Variants in CRTC3 observed in about 807,000 individuals in gnomAD.
CRTC3 encodes CREB regulated transcription coactivator 3.
CRTC3 carries 26 observed loss-of-function variants against 74.5 expected under a neutral mutation model. That is an observed-to-expected ratio of 0.35 (90% CI 0.26 to 0.48). CRTC3 has a LOEUF of 0.48. Among genes scored for constraint, CRTC3 ranks in the 20% least tolerant of loss-of-function variants. CRTC3 has a pLI of 0.99. For missense variants in CRTC3, 760 were observed against 787.3 expected (o/e 0.97, Z 0.41); for synonymous variants, 377 against 325.8 (o/e 1.16, Z -1.69).
intron 2 of CRTC3, among the ~76,000 whole-genome samples, chr15:90,545,075 C>G (rs1281711682): frequency 2.0e-5 from 3 of 152,154 alleles, no homozygotes; most frequent in Admixed American, 2.0e-4. Context: ...TTCTAAGTGC[C>G]TCATATGAGG....
At chr15:90,641,282 T>A in intron 14 of CRTC3, 83 bp downstream of exon 14, 2 of 940,472 alleles carry the variant, frequency 2.1e-6, no homozygotes, top group South Asian at 1.4e-5. Context: ...TTAAACAACA[T>A]AATATTATAT....
intron 9 of CRTC3, 65 bp downstream of exon 9, chr15:90,619,855 C>A: frequency 7.3e-7 from 1 of 1,364,882 alleles, no homozygotes; most frequent in Non-Finnish European, 1.0e-6. Flanking sequence ...AAAAGTCTCG[C>A]TGCTTTGTTA....
At chr15:90,579,782 C>T (rs1222308946) in intron 2 of CRTC3, among the ~76,000 whole-genome samples, 1 of 151,856 alleles carries the variant, frequency 6.6e-6, no homozygotes, top group East Asian at 1.9e-4. Context: ...GCTGGGAGCA[C>T]AGGCACCCGC....
chr15:90,600,631 A>G (rs908036255), intron 3 of CRTC3: 8 of 152,178 alleles, frequency 5.3e-5, no homozygotes, highest in African/African-American at 1.9e-4. Context: ...CTTCAGCTAT[A>G]AAATGGGGAA....
intron 2 of CRTC3, among the ~76,000 whole-genome samples, chr15:90,580,862 G>A (rs1442624249): frequency 6.6e-6 from 1 of 151,958 alleles, no homozygotes. Flanking sequence ...TTCCATTTTT[G>A]GTAGCTTGGT....
intron 1 of CRTC3, among the ~76,000 whole-genome samples, chr15:90,533,978 C>G (rs924949127): frequency 1.3e-5 from 2 of 151,988 alleles, no homozygotes; most frequent in Admixed American, 1.3e-4. Context: ...TCATAGGGAT[C>G]AGGTTGTAGA....
intron 2 of CRTC3, among the ~76,000 whole-genome samples, chr15:90,560,274 TC>T (rs1966983280): frequency 6.6e-6 from 1 of 152,214 alleles, no homozygotes; most frequent in South Asian, 2.1e-4. Flanking sequence ...AATCCTGACT[TC>T]CAGTTTACGT....
chr15:90,590,991 G>C (rs1032541715), intron 2 of CRTC3, among the ~76,000 whole-genome samples: 1 of 152,180 alleles, frequency 6.6e-6, no homozygotes, highest in African/African-American at 2.4e-5. Flanking sequence ...GTCTTGCTCT[G>C]TTGCTCAGGC....
intron 2 of CRTC3, among the ~76,000 whole-genome samples, chr15:90,550,945 A>C (rs905082457): frequency 2.0e-5 from 3 of 152,092 alleles, no homozygotes; most frequent in African/African-American, 7.2e-5. Flanking sequence ...ACGGAATGAA[A>C]CAAGAGAGGC....
Position 90,593,710 on chromosome 15 carries a change from C to T in CRTC3, c.306C>T (p.Arg102=), listed in dbSNP as rs1038906451. The change falls in exon 3 of 15, where the codon CGC becomes CGT. Residue 102 remains arginine, a synonymous_variant. Coordinates refer to ENST00000268184, the MANE Select transcript of CRTC3 (RefSeq NM_022769.5). ...HGLVERPSRN[R]FHPLHRRSGD... is the part of the protein sequence containing the mutation. Reference sequence around the variant, plus strand: ...TGGTGGAGAGGCCATCCAGGAACCGCTTCCACCCCCTCCACCGAAGGTCTG... The same window carrying T: ...TGGTGGAGAGGCCATCCAGGAACCGTTTCCACCCCCTCCACCGAAGGTCTG... 2.5e-6 allele frequency: 4 copies of T among 1,611,262 alleles called. No homozygotes were observed. The African/African-American group carries it at 4.0e-5, about 16-fold the overall frequency.
At chr15:90,550,501 G>A (rs998855923) in intron 2 of CRTC3, among the ~76,000 whole-genome samples, 2 of 139,988 alleles carry the variant, frequency 1.4e-5, no homozygotes, top group Non-Finnish European at 3.1e-5. Flanking sequence ...TGTGGAAAAT[G>A]TTTTAGTAAC....
At chr15:90,564,636 G>C (rs1467389733) in intron 2 of CRTC3, among the ~76,000 whole-genome samples, 1 of 151,998 alleles carries the variant, frequency 6.6e-6, no homozygotes, top group African/African-American at 2.4e-5. Flanking sequence ...CTTGCCCATG[G>C]TCAAACCATT....
chr15:90,537,337 C>T (rs1219895648), intron 1 of CRTC3, among the ~76,000 whole-genome samples: 3 of 152,284 alleles, frequency 2.0e-5, no homozygotes, highest in African/African-American at 7.2e-5. Context: ...GTTGTTTGCC[C>T]AACCACACGG....
intron 2 of CRTC3, among the ~76,000 whole-genome samples, chr15:90,564,728 A>G (rs1229634093): frequency 2.0e-5 from 3 of 152,202 alleles, no homozygotes; most frequent in Non-Finnish European, 2.9e-5. Flanking sequence ...TAGGAAACCT[A>G]ACCAGCAAAG....
intron 11 of CRTC3, among the ~76,000 whole-genome samples, chr15:90,637,013 T>A (rs369537972): frequency 6.6e-6 from 1 of 152,190 alleles, no homozygotes; most frequent in Admixed American, 6.5e-5. Flanking sequence ...TTAGGGATCT[T>A]GAACTAGAAA....
rs1406059914 is a variant in CRTC3 at position 90,530,297 on chromosome 15, G to A, written c.132+94G>A. On this transcript the variant is annotated intron_variant, in intron 1 of 14. Transcript: ENST00000268184. This position sits in a 1 kb window ranked among gnomAD's most constrained non-coding sequence, Gnocchi z 6.2. ...GGTTGCGGGGCCAAGGCGATGGCGGGGCCGGGCGGGGGCCGCGCCCGGGAA... is the reference window on the plus strand; with the variant it reads ...GGTTGCGGGGCCAAGGCGATGGCGGAGCCGGGCGGGGGCCGCGCCCGGGAA... 2.6e-6 allele frequency: 2 copies of A among 769,160 alleles called. No individual in the cohort carries two copies. Among genetic ancestry groups the A allele is most frequent in the South Asian group, 5.6e-5 (1 of 17,868 alleles). 47.6% of individuals were successfully genotyped at this position (769,160 alleles called of 1,614,324 possible). A position where few individuals can be genotyped will look rare whatever the true frequency, so the allele number is the denominator to read the frequency against.
chr15:90,597,040 C>A (rs1461403370), intron 3 of CRTC3, among the ~76,000 whole-genome samples: 4 of 152,252 alleles, frequency 2.6e-5, no homozygotes, highest in Non-Finnish European at 5.9e-5. Flanking sequence ...ACAGGAGATT[C>A]CTTCTGGAGT....
intron 1 of CRTC3, among the ~76,000 whole-genome samples, chr15:90,538,314 C>T (rs75446831): frequency 1.1e-5 from 1 of 88,546 alleles, no homozygotes; most frequent in South Asian, 3.5e-4. Flanking sequence ...TCCTATAACT[C>T]CACTCCTAGA....
At chr15:90,597,330 A>C (rs1260808978) in intron 3 of CRTC3, among the ~76,000 whole-genome samples, 1 of 151,866 alleles carries the variant, frequency 6.6e-6, no homozygotes, top group Non-Finnish European at 1.5e-5. Flanking sequence ...TAGCAAATAA[A>C]ATATTTTCTC....
Sources: allele counts gnomAD v4.1 joint callset (sites outside exome capture counted in the v4.1 genomes callset), GRCh38; gene constraint gnomAD v4.1.1; non-coding constraint Gnocchi (gnomAD v3.1); transcripts MANE v1.5; gene names NCBI Gene and HGNC (gene_info 2026-07-23, HGNC 2026-07-21).